Variants in EXOC5 observed in about 807,000 individuals in gnomAD.
EXOC5 encodes the protein exocyst complex component 5, also known as SEC10-like 1.
Under a neutral mutation model 90.8 loss-of-function variants are expected in EXOC5, and 17 were observed. That is an observed-to-expected ratio of 0.19 (90% confidence interval 0.13 to 0.28). The LOEUF is 0.28. Ranked by LOEUF, EXOC5 falls within the 10% of genes least tolerant of loss-of-function variation. The pLI, the probability that EXOC5 is intolerant of heterozygous loss-of-function variation, is 1.00. For missense variants in EXOC5, 569 were observed against 830.6 expected, an observed-to-expected ratio of 0.69 and a Z score of 3.87; for synonymous variants, 260 against 270.0, an observed-to-expected ratio of 0.96 and a Z score of 0.36.
chr14:57,214,220 G>A (rs57976868), intron 15 of EXOC5, among the ~76,000 whole-genome samples: 37,035 of 151,960 alleles, frequency 0.24, 10,868 homozygotes, highest in African/African-American at 0.71. Flanking sequence ...TGTTGTAGGG[G>A]GGGATTTGGA....
intron 6 of EXOC5, among the ~76,000 whole-genome samples, chr14:57,236,919 A>AG (rs1391305743): frequency 6.6e-6 from 1 of 152,072 alleles, no homozygotes; most frequent in African/African-American, 2.4e-5. Context: ...TAAAAAAAAA[A>AG]AGAGAGAATC....
chr14:57,234,628 T>A (rs553386207), intron 7 of EXOC5, among the ~76,000 whole-genome samples: 2 of 150,762 alleles, frequency 1.3e-5, no homozygotes, highest in African/African-American at 4.9e-5. Flanking sequence ...TGCAATGGTG[T>A]CATCTTGGCT....
chr14:57,243,195 C>T (rs1883924347), intron 4 of EXOC5: 1 of 152,082 alleles, frequency 6.6e-6, no homozygotes. Context: ...GAATTTAACA[C>T]TAAAGAACTC....
intron 11 of EXOC5, among the ~76,000 whole-genome samples, chr14:57,230,463 C>G (rs1883449980): frequency 6.7e-6 from 1 of 149,762 alleles, no homozygotes; most frequent in Non-Finnish European, 1.5e-5. Flanking sequence ...ACACAAATTC[C>G]TATTATTCAT....
In EXOC5 at chr14:57,206,758, T is replaced by C. The variant is rs1159077472; in HGVS notation, c.*1851A>G. 6.6e-6 allele frequency: 1 copy of C among 152,478 alleles called. No individual in the cohort carries two copies. Among genetic ancestry groups the C allele is most frequent in the Non-Finnish European group, 1.5e-5 (1 of 67,934 alleles). 9.4% of individuals were successfully genotyped at this position (152,478 alleles called of 1,614,324 possible). A position where few individuals can be genotyped will look rare whatever the true frequency, so the allele number is the denominator to read the frequency against. Reference sequence around the variant, plus strand: ...TAAGCAACAAGTATATGCTTTACATTTTAAAAATTAATCCAAACAAAATAA... The same window carrying C: ...TAAGCAACAAGTATATGCTTTACATCTTAAAAATTAATCCAAACAAAATAA... On this transcript the variant is annotated 3_prime_UTR_variant, in exon 18 of 18. Transcript: ENST00000621441.
intron 3 of EXOC5, among the ~76,000 whole-genome samples, chr14:57,245,372 A>G (rs906535017): frequency 2.0e-5 from 3 of 152,186 alleles, no homozygotes; most frequent in Non-Finnish European, 4.4e-5. Context: ...GTATTTACTT[A>G]TATAATTCTC....
intron 6 of EXOC5, among the ~76,000 whole-genome samples, chr14:57,236,134 CACACATGAAAAATCCT>C (rs1883650095): frequency 6.6e-6 from 1 of 152,016 alleles, no homozygotes; most frequent in Non-Finnish European, 1.5e-5. Flanking sequence ...CTGATAGCAA[CACACATGAAAAATCCT>C]ACACATGGAA....
chr14:57,266,445 A>T (rs1321762225), intron 1 of EXOC5, among the ~76,000 whole-genome samples: 1 of 152,230 alleles, frequency 6.6e-6, no homozygotes, highest in Non-Finnish European at 1.5e-5. Flanking sequence ...CAGAAAAGAT[A>T]AATGCACTTC....
rs1051187615 is a variant in EXOC5, at chr14:57,204,820, A to T, written c.*3789T>A. ...TTGAACATATTAAGAAAAACACAAC[A>T]GTAAATTAGATATTGACCCTGTATG... On this transcript the variant is annotated 3_prime_UTR_variant, in exon 18 of 18. Coordinates refer to ENST00000621441, the MANE Select transcript of EXOC5 (RefSeq NM_006544.4). 3.9e-4 allele frequency: 59 copies of T among 152,596 alleles called. No homozygotes were observed. Among genetic ancestry groups the T allele is most frequent in the African/African-American group, 1.3e-3 (55 of 41,574 alleles). 9.5% of individuals were successfully genotyped at this position (152,596 alleles called of 1,614,324 possible). A position where few individuals can be genotyped will look rare whatever the true frequency, so the allele number is the denominator to read the frequency against.
chr14:57,238,215 C>CATAT (rs774674398), intron 5 of EXOC5, among the ~76,000 whole-genome samples: 82 of 96,552 alleles, frequency 8.5e-4, no homozygotes, highest in African/African-American at 2.8e-3. Context: ...TTCAACTCCA[C>CATAT]ATATATATAC....
rs1488419522 is a variant in EXOC5 at position 57,203,643 on chromosome 14, T to C, written c.*4966A>G. 1.3e-5 allele frequency: 2 copies of C among 152,634 alleles called. No individual in the cohort carries two copies. The highest frequency in any genetic ancestry group is 2.9e-5 in the Non-Finnish European group (2 of 68,046). The allele number at this position is 152,634 out of a possible 1,614,324, so 9.5% of individuals were successfully genotyped here. A position where few individuals can be genotyped will look rare whatever the true frequency, so the allele number is the denominator to read the frequency against. On this transcript the variant is annotated 3_prime_UTR_variant, in exon 18 of 18. Transcript: ENST00000621441. The stretch of plus-strand genomic sequence containing the variant: ...CTATTAAGTCACTAGGCACTTATAA[T>C]TCTACATTTTACTGACCTTTCACTG...
At chr14:57,210,463 C>T (rs1418561377) in intron 15 of EXOC5, among the ~76,000 whole-genome samples, 1 of 152,038 alleles carries the variant, frequency 6.6e-6, no homozygotes, top group Non-Finnish European at 1.5e-5. Context: ...AATATTTGTA[C>T]ATACATAATA....
At position 57,222,361 on chromosome 14, in the gene EXOC5, A is replaced by T; in HGVS notation, c.1352T>A (p.Val451Glu). 1 of 1,603,844 alleles carries T rather than the reference A, an allele frequency of 6.2e-7. No individual in the cohort carries two copies. The highest frequency in any genetic ancestry group is 2.2e-5 in the East Asian group (1 of 44,570). ...AATATGCTCAATACATAAAAATTCCACAAGAATGGTAAAAATTCTGAAGGC... is the reference window on the plus strand; with the variant it reads ...AATATGCTCAATACATAAAAATTCCTCAAGAATGGTAAAAATTCTGAAGGC... ...RNAFRIFTIL[V>E]EFLCIEHIDY... Residue 451 changes from valine to glutamate, a missense_variant, in exon 13 of 18, where the codon GTG becomes GAG. Physicochemically the swap from Val to Glu is moderately radical, Grantham distance 121 (BLOSUM62 -2). This residue lies in a region of EXOC5 where 56 missense variants were observed against 51.1 expected (regional missense o/e 1.10). Coordinates refer to ENST00000621441, the MANE Select transcript of EXOC5 (RefSeq NM_006544.4).
rs1342961041 is a variant in EXOC5, at chr14:57,244,339, T to C, written c.291A>G (p.Gln97=). Residue 97 remains glutamine (Q), a synonymous_variant, in exon 4 of 18, where the codon CAA becomes CAG. Transcript: ENST00000621441. ...KSNQVAFQHF[Q]ELDEHISYVA... ...CATAGCTAATGTGCTCATCTAGTTC[T>C]TGGAAATGTTGGAAGGCAACCTAGG... The C allele has an allele frequency of 5.6e-6, 9 of 1,613,252 alleles. No homozygotes were observed. Among genetic ancestry groups the C allele is most frequent in the Non-Finnish European group, 6.8e-6 (8 of 1,179,648 alleles).
intron 13 of EXOC5, among the ~76,000 whole-genome samples, chr14:57,221,830 G>T (rs564552712): frequency 6.6e-6 from 1 of 152,220 alleles, no homozygotes; most frequent in South Asian, 2.1e-4. Context: ...AGGTGAAGTA[G>T]ACAACTGAAT....
At chr14:57,261,219 T>C (rs1322719787) in intron 1 of EXOC5, among the ~76,000 whole-genome samples, 2 of 152,180 alleles carry the variant, frequency 1.3e-5, no homozygotes, top group Admixed American at 6.5e-5. Flanking sequence ...TTACATGAAA[T>C]TGCAATCCAC....
At position 57,231,658 on chromosome 14, in the gene EXOC5, A is replaced by G; in HGVS notation, c.996T>C (p.Thr332=). Residue 332 remains threonine (T), a synonymous_variant, in exon 11 of 18, where the codon ACT becomes ACC. Transcript: ENST00000621441. ...TGGATTTGATAAGCTTAGACAAGAAAGTCTGTTTATCAGTACCTAAATTAA... is the reference window on the plus strand; with the variant it reads ...TGGATTTGATAAGCTTAGACAAGAAGGTCTGTTTATCAGTACCTAAATTAA... ...MEFNLGTDKQ[T]FLSKLIKSIF... is the part of the protein sequence containing the mutation. The G allele has an allele frequency of 6.2e-7, 1 of 1,613,428 alleles. No individual in the cohort carries two copies. Among genetic ancestry groups the G allele is most frequent in the Middle Eastern group, 1.7e-4 (1 of 6,044 alleles).
intron 3 of EXOC5, among the ~76,000 whole-genome samples, chr14:57,245,293 G>C (rs1884001971): frequency 6.6e-6 from 1 of 152,054 alleles, no homozygotes; most frequent in African/African-American, 2.4e-5. Flanking sequence ...CTGAGGTGGG[G>C]AAGAGCTGTA....
At chr14:57,258,511 C>T (rs140636351) in intron 1 of EXOC5, among the ~76,000 whole-genome samples, 5 of 152,098 alleles carry the variant, frequency 3.3e-5, no homozygotes, top group South Asian at 2.1e-4. Context: ...AATACATGGA[C>T]ACAGGGAGGG....
Sources: allele counts gnomAD v4.1 joint callset (sites outside exome capture counted in the v4.1 genomes callset), GRCh38; gene constraint gnomAD v4.1.1; regional missense constraint gnomAD v4.1.1; transcripts MANE v1.5; gene names NCBI Gene and HGNC (gene_info 2026-07-23, HGNC 2026-07-21).